CLIP4: variants seen among roughly 807,000 people sequenced by gnomAD.
The protein encoded by CLIP4 is CAP-Gly domain-containing linker protein 4.
CLIP4 carries 47 observed loss-of-function variants against 73.1 expected under a neutral mutation model. That is an observed-to-expected ratio of 0.64 (90% CI 0.51 to 0.82). CLIP4 has a LOEUF of 0.82. Among genes scored for constraint, CLIP4 ranks in the 40% least tolerant of loss-of-function variants. The probability of loss-of-function intolerance (pLI) is 0.00; values close to 1 mark genes in which losing one functional copy is unlikely to be tolerated. For missense variants in CLIP4, 874 were observed against 852.9 expected (o/e 1.02, Z -0.31); for synonymous variants, 306 against 295.4 (o/e 1.04, Z -0.37).
chr2:29,144,636 A>T (rs191786580), intron 7 of CLIP4, among the ~76,000 whole-genome samples: 3 of 151,976 alleles, frequency 2.0e-5, no homozygotes, highest in African/African-American at 7.2e-5. Flanking sequence ...TGCTGCACCC[A>T]TCAACCCGTC....
chr2:29,152,274 A>C (rs986505394), intron 8 of CLIP4, among the ~76,000 whole-genome samples: 1 of 152,176 alleles, frequency 6.6e-6, no homozygotes, highest in Admixed American at 6.5e-5. Flanking sequence ...GTTATTTGCC[A>C]ATTGCTTAGA....
chr2:29,152,659 C>T (rs1462826326), intron 8 of CLIP4, 26 bp from the exon 9 acceptor site: 1 of 1,604,662 alleles, frequency 6.2e-7, no homozygotes, highest in South Asian at 1.1e-5. Flanking sequence ...AATTGTTTAA[C>T]ACTAAAATTC....
intron 9 of CLIP4, among the ~76,000 whole-genome samples, chr2:29,153,285 A>G (rs900060529): frequency 9.2e-5 from 14 of 152,198 alleles, no homozygotes; most frequent in Admixed American, 7.8e-4. Flanking sequence ...AGAACTATGG[A>G]AGAGTTCTAT....
intron 1 of CLIP4, among the ~76,000 whole-genome samples, chr2:29,107,357 A>ATT (rs1668239099): frequency 3.8e-5 from 2 of 52,500 alleles, no homozygotes; most frequent in Admixed American, 2.3e-4. Flanking sequence ...GGAACATGAT[A>ATT]GTTTTTTTTT....
At chr2:29,170,648 G>C (rs1432597132) in intron 14 of CLIP4, among the ~76,000 whole-genome samples, 1 of 152,082 alleles carries the variant, frequency 6.6e-6, no homozygotes, top group Non-Finnish European at 1.5e-5. Flanking sequence ...ATTGTGCTTT[G>C]GTGTTTTATC....
chr2:29,131,209 T>C (rs775281038), intron 2 of CLIP4, 49 bp from the exon 3 acceptor site: 47 of 1,389,488 alleles, frequency 3.4e-5, no homozygotes, highest in Admixed American at 1.0e-4. Flanking sequence ...TTTCAATATA[T>C]TTATTTGAAA....
Position 29,132,258 on chromosome 2 carries a change from T to C in CLIP4, c.367+13T>C, listed in dbSNP as rs750186969. 2.3e-5 allele frequency: 37 copies of C among 1,596,978 alleles called. No homozygotes were observed. The East Asian group carries it at 3.6e-4, about 15-fold the overall frequency. On this transcript the variant is annotated intron_variant, in intron 4 of 15. Transcript: ENST00000320081. ...GCTCATGGTATTGGTAAGTGTGTGG[T>C]AAATCTATCAGTTGCTTATGTCATC...
chr2:29,150,643 CTTTTTTTTTTT>C (rs34553625), intron 8 of CLIP4, among the ~76,000 whole-genome samples: 2 of 80,234 alleles, frequency 2.5e-5, no homozygotes, highest in East Asian at 7.3e-4. Context: ...TTGATTTGCT[CTTTTTTTTTTT>C]TTTTTTTTTT....
rs1558533809 is a variant in CLIP4 at position 29,135,673 on chromosome 2, GGTT to G, written c.648+8_648+10del. ...AGCAAATCCTGCATTTAGGGTAAGAGGTTAAATTAAAAGTGAAAAATATTAAAA... is the reference window on the plus strand; with the variant it reads ...AGCAAATCCTGCATTTAGGGTAAGAGAAATTAAAAGTGAAAAATATTAAAA... On this transcript the variant is annotated splice_region_variant and intron_variant, in intron 6 of 15. Transcript: ENST00000320081. The G allele has an allele frequency of 1.3e-6, 2 of 1,561,666 alleles. No homozygotes were observed. The highest frequency in any genetic ancestry group is 2.4e-5 in the South Asian group (2 of 84,114).
At chr2:29,117,178 T>C (rs1464355288) in intron 1 of CLIP4, among the ~76,000 whole-genome samples, 1 of 152,230 alleles carries the variant, frequency 6.6e-6, no homozygotes, top group Non-Finnish European at 1.5e-5. Flanking sequence ...CAGTGCTGTT[T>C]AGAAGAGCTT....
chr2:29,130,515 A>G, intron 2 of CLIP4: 1 of 427,120 alleles, frequency 2.3e-6, no homozygotes, highest in Non-Finnish European at 3.5e-6. Context: ...GTGCAGTTTA[A>G]GTAGGTGTTT....
chr2:29,140,429 A>G (rs1333091210), intron 6 of CLIP4, among the ~76,000 whole-genome samples: 1 of 152,078 alleles, frequency 6.6e-6, no homozygotes, highest in Non-Finnish European at 1.5e-5. Context: ...TTATGGCTGC[A>G]TAGTATTCCA....
At chr2:29,119,304 G>T (rs1664092277) in intron 1 of CLIP4, among the ~76,000 whole-genome samples, 1 of 152,168 alleles carries the variant, frequency 6.6e-6, no homozygotes. Context: ...CTCCTGTGGT[G>T]ACTGCTAGTT....
chr2:29,164,291 C>A (rs1667468065), intron 13 of CLIP4, among the ~76,000 whole-genome samples: 1 of 152,198 alleles, frequency 6.6e-6, no homozygotes, highest in South Asian at 2.1e-4. Flanking sequence ...TTGCTTCAGT[C>A]ACATCCTAAC....
At chr2:29,121,887 AAGAGACCCTTCC>A (rs1198189067) in intron 2 of CLIP4, among the ~76,000 whole-genome samples, 2 of 152,200 alleles carry the variant, frequency 1.3e-5, no homozygotes, top group African/African-American at 4.8e-5. Flanking sequence ...CAAAGAGGGT[AAGAGACCCTTCC>A]CTGGAATGTG....
intron 10 of CLIP4, among the ~76,000 whole-genome samples, chr2:29,156,746 T>C (rs1302702703): frequency 3.3e-5 from 5 of 152,222 alleles, no homozygotes; most frequent in Non-Finnish European, 7.3e-5. Context: ...CATTTGCCTT[T>C]AGCTATCAAA....
At chr2:29,116,687 A>C (rs942822394) in intron 1 of CLIP4, among the ~76,000 whole-genome samples, 4 of 152,086 alleles carry the variant, frequency 2.6e-5, no homozygotes, top group African/African-American at 9.7e-5. Context: ...GTTCCAGCTT[A>C]TTTTGCTTTC....
chr2:29,163,844 T>A lies in CLIP4; in HGVS notation c.1548T>A (p.Gly516=), dbSNP rs757845325. Reference sequence around the variant, plus strand: ...TTCATGTTCTAGGATATTGGTATGGTATAGAGCTTGAAAAACCCCATGGCA... The same window carrying A: ...TTCATGTTCTAGGATATTGGTATGGAATAGAGCTTGAAAAACCCCATGGCA... ...TTNFAPGYWY[G]IELEKPHGKN... is the part of the protein sequence containing the mutation. Residue 516 remains glycine (G), a synonymous_variant, in exon 13 of 16, where the codon GGT becomes GGA. Transcript: ENST00000320081. 2 of 1,613,412 alleles carry A rather than the reference T, an allele frequency of 1.2e-6. No individual in the cohort carries two copies. Among genetic ancestry groups the A allele is most frequent in the Admixed American group, 3.3e-5 (2 of 59,988 alleles).
intron 1 of CLIP4, among the ~76,000 whole-genome samples, chr2:29,109,481 C>T (rs1668326383): frequency 6.6e-6 from 1 of 152,200 alleles, no homozygotes; most frequent in Non-Finnish European, 1.5e-5. Context: ...GCACATCCAT[C>T]ATCTCAAACA....
Sources: allele counts gnomAD v4.1 joint callset (sites outside exome capture counted in the v4.1 genomes callset), GRCh38; gene constraint gnomAD v4.1.1; transcripts MANE v1.5; gene names NCBI Gene and HGNC (gene_info 2026-07-23, HGNC 2026-07-21).